FER: variants seen among roughly 807,000 people sequenced by gnomAD.
FER encodes FER tyrosine kinase.
FER carries 63 observed loss-of-function variants against 111.0 expected under a neutral mutation model. That is an observed-to-expected ratio of 0.57 (90% confidence interval 0.46 to 0.70). The LOEUF (loss-of-function observed/expected upper bound fraction) is 0.70. FER is among the 30% of genes least tolerant of loss of function. The pLI, the probability that FER is intolerant of heterozygous loss-of-function variation, is 0.00. For missense variants in FER, 914 were observed against 954.0 expected (o/e 0.96, Z 0.55); for synonymous variants, 327 against 313.9 (o/e 1.04, Z -0.44).
chr5:108,985,873 T>C (rs1334567943), intron 13 of FER, among the ~76,000 whole-genome samples: 2 of 152,206 alleles, frequency 1.3e-5, no homozygotes, highest in Non-Finnish European at 2.9e-5. Context: ...ATTTTTGCAA[T>C]TGCAAATTGT....
chr5:109,073,164 A>T (rs1049764884), intron 16 of FER, among the ~76,000 whole-genome samples: 2 of 152,150 alleles, frequency 1.3e-5, no homozygotes, highest in Non-Finnish European at 2.9e-5. Flanking sequence ...TCAACCTGGT[A>T]CACACTGTTA....
At position 109,186,337 on chromosome 5, in the gene FER, T is replaced by C. The variant is rs368741689; in HGVS notation, c.2326+15T>C. On this transcript the variant is annotated intron_variant, in intron 19 of 19. Transcript: ENST00000281092. ...AGTAGAAAGAGGTGAGCCAAGTACA[T>C]TCATTGTTAGTGTTCATGTCCAGCC... The C allele has an allele frequency of 1.9e-5, 30 of 1,613,880 alleles. No individual in the cohort carries two copies. In the African/African-American group the frequency reaches 3.5e-4, roughly 19 times the overall value.
chr5:109,037,445 T>G lies in FER; in HGVS notation c.1680T>G (p.His560Gln). Reference sequence around the variant, plus strand: ...AGGACAAGAAATGGATTCTCAGTCATGAAGATGTCATATTGGGAGAATTAC... The same window carrying G: ...AGGACAAGAAATGGATTCTCAGTCAGGAAGATGTCATATTGGGAGAATTAC... Reference protein sequence around the residue: ...IPKDKKWILSHEDVILGELLG... With the variant: ...IPKDKKWILSQEDVILGELLG... Residue 560 changes from histidine to glutamine, a missense_variant, in exon 14 of 20, where the codon CAT becomes CAG. Transcript: ENST00000281092. 1 of 1,612,148 alleles carries G rather than the reference T, an allele frequency of 6.2e-7. No homozygotes were observed. Among genetic ancestry groups the G allele is most frequent in the Non-Finnish European group, 8.5e-7 (1 of 1,178,598 alleles).
At chr5:108,894,589 C>T (rs1044325799) in intron 9 of FER, 40 of 396,126 alleles carry the variant, frequency 1.0e-4, no homozygotes, top group African/African-American at 8.3e-5. Context: ...TCCACGACCA[C>T]ATGCTTGCCC....
intron 9 of FER, among the ~76,000 whole-genome samples, chr5:108,886,565 C>T (rs1747202930): frequency 6.6e-6 from 1 of 151,412 alleles, no homozygotes; most frequent in Non-Finnish European, 1.5e-5. Flanking sequence ...CTTTACATAA[C>T]TTACTTACAA....
At chr5:108,791,725 CT>C (rs543057284) in intron 2 of FER, among the ~76,000 whole-genome samples, 2 of 151,886 alleles carry the variant, frequency 1.3e-5, no homozygotes, top group African/African-American at 2.4e-5. Flanking sequence ...GTCATTTGTG[CT>C]TTTGTTGTTG....
chr5:108,781,354 G>A (rs1018975737), intron 2 of FER, among the ~76,000 whole-genome samples: 1 of 152,008 alleles, frequency 6.6e-6, no homozygotes, highest in Non-Finnish European at 1.5e-5. Flanking sequence ...ACCACACCTG[G>A]CTAATTTTTG....
intron 2 of FER, among the ~76,000 whole-genome samples, chr5:108,771,130 T>A (rs1752854465): frequency 6.6e-6 from 1 of 151,922 alleles, no homozygotes; most frequent in Admixed American, 6.6e-5. Flanking sequence ...GAGACAGGGT[T>A]TCACCATGTT....
At chr5:109,080,576 TCTCTGGC>T (rs1318850771) in intron 16 of FER, among the ~76,000 whole-genome samples, 1 of 152,082 alleles carries the variant, frequency 6.6e-6, no homozygotes, top group Non-Finnish European at 1.5e-5. Flanking sequence ...GGGAGTAAGT[TCTCTGGC>T]AATCTGTAAG....
chr5:109,029,425 CTTTTT>C (rs757282669), intron 13 of FER, among the ~76,000 whole-genome samples: 1 of 52,212 alleles, frequency 1.9e-5, no homozygotes, highest in Admixed American at 2.5e-4. Context: ...ATTCATTGTT[CTTTTT>C]TTTTTTTTTT....
At chr5:108,846,460 GTTTC>G (rs1478875928) in intron 5 of FER, among the ~76,000 whole-genome samples, 2 of 151,722 alleles carry the variant, frequency 1.3e-5, no homozygotes, top group East Asian at 3.9e-4. Context: ...TACTTAGTTT[GTTTC>G]TTTTTATTTT....
Position 109,044,688 on chromosome 5 carries a change from T to C in FER, c.1722T>C (p.Phe574=). The C allele has an allele frequency of 1.3e-6, 2 of 1,510,674 alleles. No individual in the cohort carries two copies. The highest frequency in any genetic ancestry group is 1.4e-5 in the African/African-American group (1 of 71,508). 93.6% of individuals were successfully genotyped at this position (1,510,674 alleles called of 1,614,324 possible). Residue 574 remains phenylalanine, a synonymous_variant, in exon 15 of 20, where the codon TTT becomes TTC. Transcript: ENST00000281092. ...TGTATTTCTATTTTCAGGGAAATTTTGGTGAAGTATATAAGGGCACATTAA... is the reference window on the plus strand; with the variant it reads ...TGTATTTCTATTTTCAGGGAAATTTCGGTGAAGTATATAAGGGCACATTAA... ...ILGELLGKGN[F]GEVYKGTLKD... is the part of the protein sequence containing the mutation.
chr5:108,992,220 A>T (rs1763280949), intron 13 of FER, among the ~76,000 whole-genome samples: 1 of 152,240 alleles, frequency 6.6e-6, no homozygotes, highest in African/African-American at 2.4e-5. Context: ...CAGGATCCCA[A>T]GGCAGAAGAA....
intron 10 of FER, among the ~76,000 whole-genome samples, chr5:108,930,302 G>A (rs192188797): frequency 0.014 from 1,404 of 100,136 alleles, 21 homozygotes; most frequent in African/African-American, 0.053. Context: ...ATAAGCCTCC[G>A]TGCCTGGCCC....
chr5:109,012,160 C>T (rs982646773), intron 13 of FER, among the ~76,000 whole-genome samples: 2 of 152,194 alleles, frequency 1.3e-5, no homozygotes, highest in Non-Finnish European at 2.9e-5. Context: ...TTGTAACCTT[C>T]TTGGAGGTAG....
At chr5:108,793,322 C>G (rs1340739812) in intron 2 of FER, among the ~76,000 whole-genome samples, 2 of 152,126 alleles carry the variant, frequency 1.3e-5, no homozygotes, top group Non-Finnish European at 2.9e-5. Flanking sequence ...CATGTTGTTG[C>G]AGATAACAAG....
At chr5:108,753,148 AGTATTCAGCTTCT>A (rs1188937753) in intron 1 of FER, among the ~76,000 whole-genome samples, 1 of 152,132 alleles carries the variant, frequency 6.6e-6, no homozygotes, top group African/African-American at 2.4e-5. Context: ...GACTTTAGGA[AGTATTCAGCTTCT>A]GTATTCAGTT....
intron 17 of FER, among the ~76,000 whole-genome samples, chr5:109,153,209 TAAAA>T (rs145045504): frequency 6.9e-6 from 1 of 145,964 alleles, no homozygotes; most frequent in Admixed American, 6.9e-5. Context: ...GATTTTATGG[TAAAA>T]AAAAAAAAAT....
chr5:108,935,333 T>C (rs1211845746), intron 10 of FER, among the ~76,000 whole-genome samples: 1 of 152,108 alleles, frequency 6.6e-6, no homozygotes, highest in South Asian at 2.1e-4. Context: ...CATAAACACA[T>C]CACTCTAATC....
Sources: gnomAD v4.1 joint callset for allele counts (sites outside exome capture counted in the v4.1 genomes callset) on GRCh38, gnomAD v4.1.1 for gene constraint, MANE v1.5 for transcripts, NCBI Gene and HGNC (gene_info 2026-07-23, HGNC 2026-07-21) for gene names.